PTPRG: variants seen among roughly 807,000 people sequenced by gnomAD.
The protein encoded by PTPRG is protein tyrosine phosphatase receptor type G, also known as receptor-type tyrosine-protein phosphatase gamma.
Under a neutral mutation model 165.3 loss-of-function variants are expected in PTPRG, and 102 were observed. The ratio of observed to expected loss-of-function variants is 0.62; its 90% CI spans 0.53 to 0.73. The LOEUF is 0.73. Ranked by LOEUF, PTPRG falls within the 30% of genes least tolerant of loss-of-function variation. PTPRG has a pLI of 0.00. For missense variants in PTPRG, 1,866 were observed against 1,861.4 expected (o/e 1.00, Z -0.05); for synonymous variants, 675 against 669.5 (o/e 1.01, Z -0.13).
At chr3:62,151,103 A>G (rs1044283796) in intron 6 of PTPRG, among the ~76,000 whole-genome samples, 8 of 152,188 alleles carry the variant, frequency 5.3e-5, no homozygotes, top group African/African-American at 1.9e-4. Context: ...AATCTTTCAG[A>G]TTTTCTTTAA....
At chr3:62,155,729 A>G (rs1287412285) in intron 6 of PTPRG, among the ~76,000 whole-genome samples, 1 of 152,210 alleles carries the variant, frequency 6.6e-6, no homozygotes, top group Non-Finnish European at 1.5e-5. Context: ...ATTATCCCCT[A>G]GTTACACAGA....
chr3:61,893,471 T>C (rs1053323835), intron 2 of PTPRG, among the ~76,000 whole-genome samples: 1 of 152,254 alleles, frequency 6.6e-6, no homozygotes, highest in Non-Finnish European at 1.5e-5. Context: ...TGATTGATTA[T>C]TGACTGTAGG....
intron 4 of PTPRG, among the ~76,000 whole-genome samples, chr3:62,066,000 C>A (rs1701000054): frequency 6.6e-6 from 1 of 152,052 alleles, no homozygotes; most frequent in South Asian, 2.1e-4. Flanking sequence ...TATGGAGAAC[C>A]ATGATGTGGT....
intron 1 of PTPRG, among the ~76,000 whole-genome samples, chr3:61,705,063 T>C (rs764939783): frequency 2.6e-5 from 4 of 152,162 alleles, no homozygotes; most frequent in Non-Finnish European, 5.9e-5. Flanking sequence ...TGCTGGACAG[T>C]GAGCTTAGCT....
chr3:61,656,049 C>G (rs1053383911), intron 1 of PTPRG, among the ~76,000 whole-genome samples: 21 of 150,602 alleles, frequency 1.4e-4, no homozygotes, highest in African/African-American at 4.4e-4. Context: ...ACCCCCCCCC[C>G]CCCGACCATC....
intron 2 of PTPRG, among the ~76,000 whole-genome samples, chr3:61,780,802 A>G (rs1008297666): frequency 5.3e-5 from 8 of 152,234 alleles, no homozygotes; most frequent in Non-Finnish European, 1.0e-4. Context: ...ACTCCTGCCA[A>G]TGAGCTTTAA....
intron 2 of PTPRG, among the ~76,000 whole-genome samples, chr3:61,859,473 CT>C (rs1458691833): frequency 3.3e-5 from 5 of 152,156 alleles, no homozygotes; most frequent in African/African-American, 1.2e-4. Flanking sequence ...CATGAACTTT[CT>C]TCCCCCTATG....
At chr3:61,719,536 G>C (rs1189450500) in intron 1 of PTPRG, among the ~76,000 whole-genome samples, 1 of 152,148 alleles carries the variant, frequency 6.6e-6, no homozygotes, top group Non-Finnish European at 1.5e-5. Flanking sequence ...TTTGTCAGCA[G>C]GCTTGGCAGT....
At chr3:62,039,866 A>T (rs1396259480) in intron 4 of PTPRG, among the ~76,000 whole-genome samples, 11 of 152,154 alleles carry the variant, frequency 7.2e-5, no homozygotes, top group African/African-American at 1.4e-4. Flanking sequence ...AGTGCTAATC[A>T]TTAAGTATGT....
chr3:61,565,557 T>C (rs535327374), intron 1 of PTPRG, among the ~76,000 whole-genome samples: 1 of 152,216 alleles, frequency 6.6e-6, no homozygotes, highest in Admixed American at 6.5e-5. Context: ...GTATAAAATA[T>C]GTTACTTCAG....
chr3:61,794,880 A>G (rs958376160), intron 2 of PTPRG, among the ~76,000 whole-genome samples: 1 of 152,146 alleles, frequency 6.6e-6, no homozygotes, highest in African/African-American at 2.4e-5. Context: ...GGTTCATATT[A>G]TATTGATGAT....
intron 12 of PTPRG, among the ~76,000 whole-genome samples, chr3:62,205,365 A>G (rs904145786): frequency 2.0e-5 from 3 of 152,204 alleles, no homozygotes; most frequent in African/African-American, 7.2e-5. Flanking sequence ...CATGTACGGA[A>G]TGCCCACTGT....
intron 2 of PTPRG, among the ~76,000 whole-genome samples, chr3:61,919,736 G>T (rs1240823864): frequency 6.6e-6 from 1 of 151,994 alleles, no homozygotes; most frequent in Middle Eastern, 3.2e-3. Context: ...TTTATCTGTG[G>T]ACCTGCTTAT....
rs191827929 is a variant in PTPRG at position 62,195,770 on chromosome 3, A to G, written c.1327+600A>G. Among the ~76,000 whole-genome samples, 984 of 152,188 alleles carry G rather than the reference A, an allele frequency of 6.5e-3. 13 individuals are homozygous for G. Among genetic ancestry groups the G allele is most frequent in the Non-Finnish European group, 6.8e-3 (464 of 68,010 alleles). On this transcript the variant is annotated intron_variant, in intron 10 of 29. Transcript: ENST00000474889. This position sits in a 1 kb window ranked among gnomAD's most constrained non-coding sequence, Gnocchi z 4.4. ...CCAAAAAATTGAGTGACCAAGAGAC[A>G]TAACATTTTAGTGGGATTTTTTTTG...
chr3:62,121,695 C>T (rs1703079133), intron 5 of PTPRG, among the ~76,000 whole-genome samples: 2 of 152,176 alleles, frequency 1.3e-5, no homozygotes, highest in African/African-American at 4.8e-5. Flanking sequence ...CTACACCACC[C>T]TCTCCCCTAC....
intron 2 of PTPRG, among the ~76,000 whole-genome samples, chr3:61,906,225 C>G (rs1191997882): frequency 6.6e-6 from 1 of 151,206 alleles, no homozygotes; most frequent in African/African-American, 2.4e-5. Context: ...GAGGCTGAGG[C>G]AGGTGGATCA....
intron 6 of PTPRG, among the ~76,000 whole-genome samples, chr3:62,151,154 T>C (rs1380753217): frequency 6.6e-6 from 1 of 152,170 alleles, no homozygotes; most frequent in Non-Finnish European, 1.5e-5. Context: ...AAGTAAGAAA[T>C]TGAACAGAAT....
At chr3:61,727,313 C>T (rs1041498286) in intron 1 of PTPRG, among the ~76,000 whole-genome samples, 13 of 151,762 alleles carry the variant, frequency 8.6e-5, no homozygotes, top group African/African-American at 3.1e-4. Context: ...GCCACCACAC[C>T]CAGCTAATTT....
chr3:61,700,352 A>G (rs1020276153), intron 1 of PTPRG, among the ~76,000 whole-genome samples: 5 of 152,314 alleles, frequency 3.3e-5, no homozygotes, highest in Admixed American at 1.3e-4. Context: ...AAAGCTGCAA[A>G]TAAGCTGAGA....
Sources: gnomAD v4.1 joint callset for allele counts (sites outside exome capture counted in the v4.1 genomes callset) on GRCh38, gnomAD v4.1.1 for gene constraint, Gnocchi (gnomAD v3.1) non-coding constraint, MANE v1.5 for transcripts, NCBI Gene and HGNC (gene_info 2026-07-23, HGNC 2026-07-21) for gene names.